HS3ST5: variants seen among roughly 807,000 people sequenced by gnomAD.
The protein encoded by HS3ST5 is heparan sulfate glucosamine 3-O-sulfotransferase 5.
Under a neutral mutation model 25.4 loss-of-function variants are expected in HS3ST5, and 10 were observed. The ratio of observed to expected loss-of-function variants is 0.39; its 90% CI spans 0.24 to 0.67. HS3ST5 has a LOEUF of 0.67. Ranked by LOEUF, HS3ST5 falls within the 30% of genes least tolerant of loss-of-function variation. The pLI is 0.44. For missense variants in HS3ST5, 324 were observed against 420.7 expected (o/e 0.77, Z 2.01); for synonymous variants, 170 against 162.4 (o/e 1.05, Z -0.36).
chr6:114,113,656 C>T (rs1776377208), intron 3 of HS3ST5, among the ~76,000 whole-genome samples: 1 of 151,892 alleles, frequency 6.6e-6, no homozygotes, highest in Non-Finnish European at 1.5e-5. Flanking sequence ...TATCCAAACT[C>T]TCACTGATCC....
chr6:114,162,646 C>A (rs1353108148), intron 3 of HS3ST5, among the ~76,000 whole-genome samples: 1 of 152,168 alleles, frequency 6.6e-6, no homozygotes, highest in Non-Finnish European at 1.5e-5. Context: ...GGCTGTCTGG[C>A]CTCACCTCCT....
rs570247529 is a variant in HS3ST5, at chr6:114,213,214, T to G, written c.-145+15371A>C. ...GCCATCCTTCTGAAGTCAAGCTGTT[T>G]CTTCTTTCTGACATCCGGCTGCTTC... is the stretch of plus-strand genomic sequence containing the variant. On this transcript the variant is annotated intron_variant, in intron 2 of 4. Coordinates refer to ENST00000312719, the MANE Select transcript of HS3ST5 (RefSeq NM_153612.4). Among the ~76,000 whole-genome samples the G allele has an allele frequency of 2.0e-5, 3 of 152,058 alleles. 1 individual carries two copies. In the South Asian group the frequency reaches 6.3e-4, roughly 32 times the overall value.
At chr6:114,144,858 T>A (rs561937845) in intron 3 of HS3ST5, among the ~76,000 whole-genome samples, 2 of 152,220 alleles carry the variant, frequency 1.3e-5, no homozygotes, top group Non-Finnish European at 2.9e-5. Context: ...CCTGTGGCAG[T>A]GCCTGATATA....
intron 3 of HS3ST5, among the ~76,000 whole-genome samples, chr6:114,086,069 C>T (rs1052499293): frequency 3.3e-5 from 5 of 150,786 alleles, no homozygotes; most frequent in African/African-American, 7.3e-5. Context: ...GGAAAAAAAA[C>T]GGTTCTATTT....
chr6:114,189,104 A>C (rs966013691), intron 2 of HS3ST5, among the ~76,000 whole-genome samples: 1 of 152,096 alleles, frequency 6.6e-6, no homozygotes, highest in Admixed American at 6.5e-5. Context: ...ATATAAGGCA[A>C]AATTTTCTGA....
intron 1 of HS3ST5, among the ~76,000 whole-genome samples, chr6:114,280,034 A>G (rs991036500): frequency 1.3e-5 from 2 of 151,986 alleles, no homozygotes; most frequent in African/African-American, 4.8e-5. Flanking sequence ...GAAAGGATAC[A>G]GGAAGGGAGG....
At chr6:114,203,725 A>C (rs1314847224) in intron 2 of HS3ST5, among the ~76,000 whole-genome samples, 1 of 152,136 alleles carries the variant, frequency 6.6e-6, no homozygotes, top group Non-Finnish European at 1.5e-5. Flanking sequence ...CCCAACCATC[A>C]ACTGCACCCA....
At chr6:114,180,721 T>C (rs2073039733) in intron 2 of HS3ST5, among the ~76,000 whole-genome samples, 1 of 152,228 alleles carries the variant, frequency 6.6e-6, no homozygotes, top group Non-Finnish European at 1.5e-5. Context: ...TTTATTCCAA[T>C]ACAGCTGCCA....
chr6:114,209,059 T>C (rs999535051), intron 2 of HS3ST5, among the ~76,000 whole-genome samples: 1 of 152,172 alleles, frequency 6.6e-6, no homozygotes, highest in South Asian at 2.1e-4. Context: ...GATTTTAGTT[T>C]AGTTAAATTG....
At chr6:114,082,728 C>T (rs1774530038) in intron 3 of HS3ST5, among the ~76,000 whole-genome samples, 1 of 152,232 alleles carries the variant, frequency 6.6e-6, no homozygotes, top group South Asian at 2.1e-4. Flanking sequence ...TACTTTTAAA[C>T]TTAACTTCCT....
intron 3 of HS3ST5, among the ~76,000 whole-genome samples, chr6:114,166,177 GGTCTACTGAGA>G (rs1469167468): frequency 2.6e-5 from 4 of 151,412 alleles, no homozygotes; most frequent in African/African-American, 9.8e-5. Flanking sequence ...AGTTTCCTTA[GGTCTACTGAGA>G]GTCTATGAAG....
At position 114,258,768 on chromosome 6, in the gene HS3ST5, G is replaced by A. The variant is rs1162816659; in HGVS notation, c.-338-29990C>T. Among the ~76,000 whole-genome samples the A allele has an allele frequency of 2.0e-5, 3 of 152,034 alleles. No homozygotes were observed. In the South Asian group the frequency reaches 6.2e-4, roughly 32 times the overall value. ...ATTCTTTTAACTACCTGGAGTCCCT[G>A]GTTTTGATCTTCTAAGGTCTGATCT... On this transcript the variant is annotated intron_variant, in intron 1 of 4. Transcript: ENST00000312719.
intron 1 of HS3ST5, among the ~76,000 whole-genome samples, chr6:114,278,829 C>A (rs920808910): frequency 6.6e-6 from 1 of 150,950 alleles, no homozygotes; most frequent in Non-Finnish European, 1.5e-5. Context: ...GGATTCCTTT[C>A]GAAAACCAGA....
At chr6:114,215,307 AAAAC>A (rs1049021397) in intron 2 of HS3ST5, among the ~76,000 whole-genome samples, 3 of 152,110 alleles carry the variant, frequency 2.0e-5, no homozygotes, top group East Asian at 1.9e-4. Context: ...CTCTGTCTCA[AAAAC>A]AAACAAACAA....
At chr6:114,288,445 C>A (rs1294673248) in intron 1 of HS3ST5, among the ~76,000 whole-genome samples, 2 of 152,064 alleles carry the variant, frequency 1.3e-5, no homozygotes, top group Non-Finnish European at 2.9e-5. Flanking sequence ...CAGACAGCAA[C>A]ATTTTAAAGA....
chr6:114,194,630 T>C (rs554637987), intron 2 of HS3ST5, among the ~76,000 whole-genome samples: 1 of 152,292 alleles, frequency 6.6e-6, no homozygotes, highest in African/African-American at 2.4e-5. Flanking sequence ...CTGTGGAGGA[T>C]ACACAGTGAG....
chr6:114,178,604 A>G (rs1582686127), intron 2 of HS3ST5: 1 of 152,330 alleles, frequency 6.6e-6, no homozygotes, highest in South Asian at 2.1e-4. Flanking sequence ...TGTCATTGTG[A>G]AGTTTTAATT....
intron 2 of HS3ST5, among the ~76,000 whole-genome samples, chr6:114,225,770 T>C (rs2114510880): frequency 6.6e-6 from 1 of 152,088 alleles, no homozygotes; most frequent in Admixed American, 6.5e-5. Context: ...GTGGGTTTGC[T>C]GTTCATCTAC....
At chr6:114,075,232 C>T (rs900152994) in intron 3 of HS3ST5, among the ~76,000 whole-genome samples, 1 of 152,196 alleles carries the variant, frequency 6.6e-6, no homozygotes, top group African/African-American at 2.4e-5. Flanking sequence ...CAGGCGCATT[C>T]AGGGTGATGT....
Sources: gnomAD v4.1 joint callset for allele counts (sites outside exome capture counted in the v4.1 genomes callset) on GRCh38, gnomAD v4.1.1 for gene constraint, MANE v1.5 for transcripts, NCBI Gene and HGNC (gene_info 2026-07-23, HGNC 2026-07-21) for gene names.